Variants in SLC20A2 observed in about 807,000 individuals in gnomAD.
SLC20A2 encodes the protein solute carrier family 20 member 2.
Under a neutral mutation model 61.0 loss-of-function variants are expected in SLC20A2, and 30 were observed. The observed-to-expected ratio is 0.49, with a 90% CI of 0.37 to 0.67. The LOEUF (loss-of-function observed/expected upper bound fraction) is 0.67. SLC20A2 is among the 30% of genes least tolerant of loss of function. The pLI is 0.00. For missense variants in SLC20A2, 626 were observed against 866.4 expected (o/e 0.72, Z 3.48); for synonymous variants, 351 against 353.3 (o/e 0.99, Z 0.07).
rs201815306 is a variant in SLC20A2, at chr8:42,428,790, T to C, written c.1762A>G (p.Ile588Val). 4.0e-5 allele frequency: 64 copies of C among 1,611,470 alleles called. No individual in the cohort carries two copies. The East Asian group carries it at 1.4e-3, about 34-fold the overall frequency. The change falls in exon 10 of 11, where the codon ATC becomes GTC. Residue 588 changes from isoleucine (I) to valine (V), a missense_variant. Coordinates refer to ENST00000520262, the MANE Select transcript of SLC20A2 (RefSeq NM_001257180.2). Reference protein sequence around the residue: ...SAFTVVIASNIGLPVSTTHCK... With the variant: ...SAFTVVIASNVGLPVSTTHCK... ...TGCGTGGTGCTGACTGGAAGCCCGA[T>C]GTTGGAGGCGATCACCACTGTGAAG...
intron 1 of SLC20A2, among the ~76,000 whole-genome samples, chr8:42,535,954 T>C (rs553050789): frequency 6.6e-6 from 1 of 152,290 alleles, no homozygotes; most frequent in African/African-American, 2.4e-5. Flanking sequence ...ATGGGACTGG[T>C]AGAGATTTCA....
rs1222672911 is a variant in SLC20A2, at chr8:42,428,846, TG to T, written c.1710-5del. Reference sequence around the variant, plus strand: ...GGCCAGCTCGATCGTGAAGCCGCTGTGGGGGGAGCATGAGACACGTCACAGG... The same window carrying T: ...GGCCAGCTCGATCGTGAAGCCGCTGTGGGGGAGCATGAGACACGTCACAGG... On this transcript the variant is annotated splice_polypyrimidine_tract_variant and splice_region_variant and intron_variant, in intron 9 of 10. Transcript: ENST00000520262. 5.0e-6 allele frequency: 8 copies of T among 1,588,060 alleles called. No individual in the cohort carries two copies. Among genetic ancestry groups the T allele is most frequent in the Non-Finnish European group, 5.1e-6 (6 of 1,167,906 alleles).
chr8:42,452,591 T>C (rs1488562025), intron 5 of SLC20A2, among the ~76,000 whole-genome samples: 2 of 108,372 alleles, frequency 1.8e-5, no homozygotes, highest in African/African-American at 3.7e-5. Context: ...GAGGAAGAGA[T>C]GAAGAAGAGG....
rs114262680 is a variant in SLC20A2, at chr8:42,459,957, T to C, written c.552A>G (p.Pro184=). 20 of 1,613,290 alleles carry C rather than the reference T, an allele frequency of 1.2e-5. No individual in the cohort carries two copies. In the East Asian group the frequency reaches 3.6e-4, roughly 29 times the overall value. The change falls in exon 5 of 11, where the codon CCA becomes CCG. Residue 184 remains proline, a synonymous_variant. Coordinates refer to ENST00000520262, the MANE Select transcript of SLC20A2 (RefSeq NM_001257180.2). The part of the protein sequence containing the change: ...DPVPNGLRAL[P]VFYAATIAIN... ...TTGCTATGGTAGCAGCATAGAATAC[T>C]GGGAGTGCCCGGAGGCCATTGGGAA...
At chr8:42,474,590 G>A (rs1258593356) in intron 1 of SLC20A2, among the ~76,000 whole-genome samples, 1 of 152,146 alleles carries the variant, frequency 6.6e-6, no homozygotes, top group African/African-American at 2.4e-5. Flanking sequence ...TTGGGGGCCA[G>A]TATGATCTAT....
intron 1 of SLC20A2, among the ~76,000 whole-genome samples, chr8:42,532,793 G>A (rs1465774907): frequency 1.3e-5 from 2 of 152,208 alleles, no homozygotes; most frequent in Non-Finnish European, 2.9e-5. Flanking sequence ...AAGCAGGACT[G>A]ACCGGGCTGA....
intron 5 of SLC20A2, among the ~76,000 whole-genome samples, chr8:42,455,298 C>T (rs1222525567): frequency 1.4e-5 from 2 of 143,320 alleles, no homozygotes; most frequent in South Asian, 2.2e-4. Flanking sequence ...AGAGAGCGTG[C>T]GCATGCACTC....
Position 42,428,760 on chromosome 8 carries a change from T to A in SLC20A2, c.1792A>T (p.Lys598Ter). 6.2e-7 allele frequency: 1 copy of A among 1,611,068 alleles called. No individual in the cohort carries two copies. Among genetic ancestry groups the A allele is most frequent in the Non-Finnish European group, 8.5e-7 (1 of 1,178,902 alleles). The change falls in exon 10 of 11, where the codon AAG becomes TAG. Residue 598 changes from lysine (K) to a stop codon, truncating the protein, a stop_gained and splice_region_variant. Coordinates refer to ENST00000520262, the MANE Select transcript of SLC20A2 (RefSeq NM_001257180.2). LOFTEE classifies it high-confidence loss of function. ...IGLPVSTTHC[K>*]VGSVVAVGWI... ...GCTCCCGGCTAGCAGGGGCCTACCT[T>A]ACAGTGCGTGGTGCTGACTGGAAGC... is the stretch of plus-strand genomic sequence containing the variant.
At chr8:42,428,432 C>A (rs28380369) in intron 10 of SLC20A2, among the ~76,000 whole-genome samples, 1 of 152,216 alleles carries the variant, frequency 6.6e-6, no homozygotes, top group Admixed American at 6.5e-5. Context: ...CCCAAGTGAG[C>A]CCACAGGTAT....
At chr8:42,518,173 C>T (rs1031680172) in intron 1 of SLC20A2, among the ~76,000 whole-genome samples, 1 of 152,164 alleles carries the variant, frequency 6.6e-6, no homozygotes, top group African/African-American at 2.4e-5. Context: ...ATCTCCTGAC[C>T]TCATGATCCG....
intron 10 of SLC20A2, among the ~76,000 whole-genome samples, chr8:42,425,454 T>C (rs1036845754): frequency 6.6e-6 from 1 of 152,226 alleles, no homozygotes; most frequent in African/African-American, 2.4e-5. Context: ...TATGGGGTAA[T>C]GACAACTGTG....
chr8:42,451,495 TAGG>T (rs1563472722), intron 5 of SLC20A2, among the ~76,000 whole-genome samples: 1 of 57,470 alleles, frequency 1.7e-5, no homozygotes, highest in African/African-American at 7.1e-5. Context: ...AGAGATGGAG[TAGG>T]AGAAGGAAGA....
Position 42,439,623 on chromosome 8 carries a change from C to T in SLC20A2, c.761G>A (p.Arg254Gln), listed in dbSNP as rs138816265. 3.5e-4 allele frequency: 572 copies of T among 1,614,138 alleles called. No individual in the cohort carries two copies. The African/African-American group carries it at 6.6e-3, about 19-fold the overall frequency. ...GKLQKEGALSRVSDESLSKVQ... is the reference protein window; with the variant it reads ...GKLQKEGALSQVSDESLSKVQ... ...CTTACTGAGGCTTTCGTCAGATACT[C>T]GTGATAAAGCACCTTCTTTTTGTAA... is the stretch of plus-strand genomic sequence containing the variant. Residue 254 changes from arginine (R) to glutamine (Q), a missense_variant, in exon 7 of 11, where the codon CGA becomes CAA. Arg to Gln is a conservative substitution (Grantham distance 43). Coordinates refer to ENST00000520262, the MANE Select transcript of SLC20A2 (RefSeq NM_001257180.2).
chr8:42,474,214 G>T (rs117814584), intron 1 of SLC20A2, among the ~76,000 whole-genome samples: 2,519 of 152,004 alleles, frequency 0.017, 63 homozygotes, highest in South Asian at 0.098. Flanking sequence ...ATACCCAGGG[G>T]TATATACTAA....
chr8:42,426,763 T>C (rs1803445345), intron 10 of SLC20A2, among the ~76,000 whole-genome samples: 1 of 152,196 alleles, frequency 6.6e-6, no homozygotes, highest in Admixed American at 6.5e-5. Flanking sequence ...GAGTCTGCCT[T>C]CAGCAGTCTT....
At chr8:42,448,583 T>C (rs1805409802) in intron 5 of SLC20A2, among the ~76,000 whole-genome samples, 1 of 152,174 alleles carries the variant, frequency 6.6e-6, no homozygotes, top group Non-Finnish European at 1.5e-5. Flanking sequence ...ACCTTTGCCG[T>C]CACACCTGCC....
At chr8:42,531,390 CCT>C (rs1037706873) in intron 1 of SLC20A2, among the ~76,000 whole-genome samples, 4 of 152,158 alleles carry the variant, frequency 2.6e-5, no homozygotes, top group African/African-American at 7.2e-5. Context: ...ACAATCAACC[CCT>C]CTTTGTAGGG....
At chr8:42,467,988 T>C (rs1807319123) in intron 2 of SLC20A2, among the ~76,000 whole-genome samples, 1 of 151,866 alleles carries the variant, frequency 6.6e-6, no homozygotes, top group Non-Finnish European at 1.5e-5. Context: ...CTGCAAGCTC[T>C]GCCTCCTGGG....
intron 1 of SLC20A2, among the ~76,000 whole-genome samples, chr8:42,492,448 C>T (rs1809591461): frequency 6.6e-6 from 1 of 152,130 alleles, no homozygotes; most frequent in Non-Finnish European, 1.5e-5. Context: ...CATGACTACT[C>T]CTCTCATATA....
Sources: gnomAD v4.1 joint callset for allele counts (sites outside exome capture counted in the v4.1 genomes callset) on GRCh38, gnomAD v4.1.1 for gene constraint, MANE v1.5 for transcripts, NCBI Gene and HGNC (gene_info 2026-07-23, HGNC 2026-07-21) for gene names.